The following CRB1 variants were observed in gnomAD, a reference collection of about 807,000 sequenced individuals.
CRB1 encodes the protein protein crumbs homolog 1.
A neutral mutation model predicts 120.0 loss-of-function variants in CRB1; 83 were observed. The observed-to-expected ratio is 0.69, with a 90% CI of 0.58 to 0.83. CRB1 has a LOEUF of 0.83. Among genes scored for constraint, CRB1 ranks in the 40% least tolerant of loss-of-function variants. CRB1 has a pLI of 0.00. For synonymous variants in CRB1, 625 were observed against 612.5 expected, an observed-to-expected ratio of 1.02 and a Z score of -0.30; for missense variants, 1,699 against 1,687.6, an observed-to-expected ratio of 1.01 and a Z score of -0.12.
chr1:197,462,515 A>G (rs1666575361), intron 11 of CRB1, among the ~76,000 whole-genome samples: 1 of 152,134 alleles, frequency 6.6e-6, no homozygotes, highest in South Asian at 2.1e-4. Context: ...GGACTCCCTC[A>G]GTTTGCCCTG....
intron 11 of CRB1, among the ~76,000 whole-genome samples, chr1:197,469,092 C>T (rs537881243): frequency 7.7e-4 from 117 of 152,170 alleles, no homozygotes; most frequent in Middle Eastern, 3.4e-3. Context: ...GAGTGGCGCA[C>T]GCCTGTAATC....
At chr1:197,289,184 A>G (rs1047537048) in intron 1 of CRB1, among the ~76,000 whole-genome samples, 1 of 151,844 alleles carries the variant, frequency 6.6e-6, no homozygotes, top group Admixed American at 6.6e-5. Context: ...AAACACACAC[A>G]CAAAACCATA....
At chr1:197,308,026 A>G (rs1657275252) in intron 1 of CRB1, among the ~76,000 whole-genome samples, 1 of 152,200 alleles carries the variant, frequency 6.6e-6, no homozygotes, top group Non-Finnish European at 1.5e-5. Context: ...TAGTAAATAC[A>G]TGGAATCAAT....
chr1:197,350,967 G>C (rs1660058158), intron 4 of CRB1, among the ~76,000 whole-genome samples: 1 of 152,016 alleles, frequency 6.6e-6, no homozygotes, highest in Non-Finnish European at 1.5e-5. Context: ...AAGTTGTGTA[G>C]TCCATTACTT....
At chr1:197,473,225 G>C (rs1046145310) in intron 11 of CRB1, among the ~76,000 whole-genome samples, 1 of 152,154 alleles carries the variant, frequency 6.6e-6, no homozygotes, top group African/African-American at 2.4e-5. Context: ...ATCCCTTTCT[G>C]TCTGCTTAGC....
intron 4 of CRB1, among the ~76,000 whole-genome samples, chr1:197,355,517 G>A (rs1660422645): frequency 6.6e-6 from 1 of 152,202 alleles, no homozygotes; most frequent in African/African-American, 2.4e-5. Context: ...GGCATGGCGG[G>A]CTGCAGGTTC....
the CRB1 span, among the ~76,000 whole-genome samples, chr1:197,209,168 G>A: frequency 2.3e-4 from 35 of 152,112 alleles, no homozygotes; most frequent in African/African-American, 8.2e-4. Flanking sequence ...GAGAAAGCAA[G>A]CACAGCTTTC....
At chr1:197,326,800 C>T (rs1351879011) in intron 1 of CRB1, among the ~76,000 whole-genome samples, 2 of 151,956 alleles carry the variant, frequency 1.3e-5, no homozygotes, top group Non-Finnish European at 2.9e-5. Context: ...GCATAGTTGG[C>T]ACCTTGAATT....
intron 5 of CRB1, among the ~76,000 whole-genome samples, chr1:197,402,563 A>G (rs1663120366): frequency 6.6e-6 from 1 of 152,226 alleles, no homozygotes. Context: ...AACAAGAAAA[A>G]TAGGTCAGCT....
chr1:197,296,020 T>C (rs1457493436), intron 1 of CRB1, among the ~76,000 whole-genome samples: 1 of 152,024 alleles, frequency 6.6e-6, no homozygotes, highest in Non-Finnish European at 1.5e-5. Context: ...CATTAATAGA[T>C]TTTATAGACA....
chr1:197,466,018 G>C (rs920451936), intron 11 of CRB1, among the ~76,000 whole-genome samples: 2 of 152,156 alleles, frequency 1.3e-5, no homozygotes, highest in African/African-American at 4.8e-5. Flanking sequence ...CTTACATGAG[G>C]GGAAGCCAAT....
chr1:197,240,152 G>T, the CRB1 span, among the ~76,000 whole-genome samples: 601 of 152,030 alleles, frequency 4.0e-3, 5 homozygotes, highest in African/African-American at 0.014. Context: ...TTGTATTTTT[G>T]CTTACCATGT....
At position 197,442,201 on chromosome 1, in the gene CRB1, C is replaced by T. The variant is rs1391910861; in HGVS notation, c.3914C>T (p.Pro1305Leu). The change falls in exon 11 of 12, where the codon CCG (proline) becomes CTG (leucine). Residue 1305 changes from proline to leucine, a missense_variant. Coordinates refer to ENST00000367400, the MANE Select transcript of CRB1 (RefSeq NM_201253.3). ...EKDIDECASD[P>L]CVNGGLCQDL... is the part of the protein sequence containing the mutation. ...GACATTGATGAGTGTGCCTCTGATC[C>T]GTGTGTCAATGGAGGTCTGTGCCAG... The T allele has an allele frequency of 3.7e-6, 6 of 1,613,852 alleles. No homozygotes were observed. Among genetic ancestry groups the T allele is most frequent in the South Asian group, 2.2e-5 (2 of 91,072 alleles).
chr1:197,314,153 A>T (rs1657710521), intron 1 of CRB1, among the ~76,000 whole-genome samples: 1 of 152,158 alleles, frequency 6.6e-6, no homozygotes, highest in Admixed American at 6.5e-5. Context: ...TACTGCAATT[A>T]TATGGGAACC....
the CRB1 span, among the ~76,000 whole-genome samples, chr1:197,240,838 A>G: frequency 2.0e-5 from 3 of 152,202 alleles, no homozygotes; most frequent in African/African-American, 7.2e-5. Flanking sequence ...CCAACTGTGT[A>G]AAAGTGTCCC....
At chr1:197,393,309 T>G (rs562483654) in intron 5 of CRB1, among the ~76,000 whole-genome samples, 61 of 152,254 alleles carry the variant, frequency 4.0e-4, no homozygotes, top group African/African-American at 1.4e-3. Flanking sequence ...GGTTTGCTCC[T>G]CCTACCTTAA....
intron 5 of CRB1, among the ~76,000 whole-genome samples, chr1:197,358,556 A>G (rs1446242454): frequency 2.0e-5 from 3 of 152,188 alleles, no homozygotes; most frequent in Admixed American, 2.0e-4. Flanking sequence ...GCTTAATGCA[A>G]TGGTTTATGT....
chr1:197,263,620 G>A (rs978821376), upstream of CRB1, among the ~76,000 whole-genome samples: 1 of 151,920 alleles, frequency 6.6e-6, no homozygotes, highest in Non-Finnish European at 1.5e-5. Flanking sequence ...TTCTAAATTG[G>A]AGAAATCATA....
chr1:197,292,459 C>G (rs1196696546), intron 1 of CRB1, among the ~76,000 whole-genome samples: 3 of 152,102 alleles, frequency 2.0e-5, no homozygotes, highest in Non-Finnish European at 2.9e-5. Context: ...GACAGATTCA[C>G]AGCCGAATTC....
Sources: gnomAD v4.1 joint callset for allele counts (sites outside exome capture counted in the v4.1 genomes callset) on GRCh38, gnomAD v4.1.1 for gene constraint, MANE v1.5 for transcripts, NCBI Gene and HGNC (gene_info 2026-07-23, HGNC 2026-07-21) for gene names.